CXCL13: variants seen among roughly 807,000 people sequenced by gnomAD.
CXCL13 encodes C-X-C motif chemokine 13.
CXCL13 carries 7 observed loss-of-function variants against 12.2 expected under a neutral mutation model. The observed-to-expected ratio is 0.57, with a 90% CI of 0.33 to 1.07. The LOEUF (loss-of-function observed/expected upper bound fraction) is 1.07, where lower values mean the gene tolerates loss of function less well. CXCL13 is among the 50% of genes least tolerant of loss of function. The pLI is 0.04. For missense variants in CXCL13, 113 were observed against 127.4 expected (o/e 0.89, Z 0.55); for synonymous variants, 47 against 42.4 (o/e 1.11, Z -0.42).
chr4:77,560,925 A>G (rs1324171134), intron 1 of CXCL13, among the ~76,000 whole-genome samples: 1 of 152,160 alleles, frequency 6.6e-6, no homozygotes, highest in Non-Finnish European at 1.5e-5. Flanking sequence ...TGAAATCCTT[A>G]TCTATCCTAT....
At chr4:77,523,473 C>T (rs1029289337) in intron 1 of CXCL13, among the ~76,000 whole-genome samples, 1 of 152,154 alleles carries the variant, frequency 6.6e-6, no homozygotes, top group African/African-American at 2.4e-5. Flanking sequence ...TCTTCAGTGA[C>T]TGATACTCTT....
rs1344158150 is a variant in CXCL13 at position 77,611,532 on chromosome 4, A to G, written c.*493A>G. 2 of 396,176 alleles carry G rather than the reference A, an allele frequency of 5.0e-6. No individual in the cohort carries two copies. The highest frequency in any genetic ancestry group is 2.1e-5 in the African/African-American group (1 of 48,604). The allele number at this position is 396,176 out of a possible 1,614,324, so 24.5% of individuals were successfully genotyped here. Reference sequence around the variant, plus strand: ...TCCATGTAGTAGATATCCTCTGCTTAAAAACTCACTACGGAGGAGAATTAA... The same window carrying G: ...TCCATGTAGTAGATATCCTCTGCTTGAAAACTCACTACGGAGGAGAATTAA... On this transcript the variant is annotated 3_prime_UTR_variant, in exon 4 of 4. Coordinates refer to ENST00000682537, the MANE Select transcript of CXCL13 (RefSeq NM_001371558.1).
At chr4:77,596,222 C>G (rs1726745413) in intron 1 of CXCL13, among the ~76,000 whole-genome samples, 1 of 152,148 alleles carries the variant, frequency 6.6e-6, no homozygotes, top group South Asian at 2.1e-4. Flanking sequence ...AGATGATTTT[C>G]TAAGTAACCA....
chr4:77,532,397 A>G (rs1400023237), intron 1 of CXCL13, among the ~76,000 whole-genome samples: 7 of 152,258 alleles, frequency 4.6e-5, no homozygotes, highest in East Asian at 1.9e-4. Context: ...GGCTTATAGA[A>G]TTTCTGCCGA....
intron 1 of CXCL13, among the ~76,000 whole-genome samples, chr4:77,591,386 T>TA (rs1281334867): frequency 1.3e-5 from 2 of 151,150 alleles, no homozygotes; most frequent in Non-Finnish European, 2.9e-5. Context: ...CCGTTTCTAC[T>TA]AAAAAATACA....
chr4:77,565,967 C>T (rs961856632), intron 1 of CXCL13, among the ~76,000 whole-genome samples: 2 of 152,192 alleles, frequency 1.3e-5, no homozygotes, highest in African/African-American at 4.8e-5. Context: ...GAAAAGTCAC[C>T]TTTGAGGATA....
chr4:77,566,619 C>T (rs1196877006), intron 1 of CXCL13, among the ~76,000 whole-genome samples: 4 of 151,918 alleles, frequency 2.6e-5, no homozygotes, highest in Non-Finnish European at 5.9e-5. Flanking sequence ...CTTGAAATTT[C>T]CTTTTCAATT....
At chr4:77,558,430 G>T (rs1475205154) in intron 1 of CXCL13, among the ~76,000 whole-genome samples, 1 of 152,114 alleles carries the variant, frequency 6.6e-6, no homozygotes. Flanking sequence ...TCAGCTCACT[G>T]CAACCTCTGC....
intron 1 of CXCL13, among the ~76,000 whole-genome samples, chr4:77,565,640 A>C (rs1318206403): frequency 6.6e-6 from 1 of 152,192 alleles, no homozygotes; most frequent in Non-Finnish European, 1.5e-5. Flanking sequence ...TGCAGCAACC[A>C]ACAATTATTT....
At chr4:77,527,007 GAACTTTGGTA>G (rs1032693565) in intron 1 of CXCL13, among the ~76,000 whole-genome samples, 1 of 152,152 alleles carries the variant, frequency 6.6e-6, no homozygotes, top group African/African-American at 2.4e-5. Context: ...TCAGGGACTA[GAACTTTGGTA>G]AACAAGACCT....
At chr4:77,585,620 G>A (rs569533190) in intron 1 of CXCL13, among the ~76,000 whole-genome samples, 4 of 152,296 alleles carry the variant, frequency 2.6e-5, no homozygotes, top group Admixed American at 6.5e-5. Context: ...TCAGAGAGAC[G>A]CTGTGTCACC....
Position 77,585,107 on chromosome 4 carries a change from C to T in CXCL13, c.-42-20717C>T, listed in dbSNP as rs79273669. 6.2e-3 allele frequency among the ~76,000 whole-genome samples: 941 copies of T among 152,258 alleles called. 13 individuals carry two copies. Among genetic ancestry groups the T allele is most frequent in the African/African-American group, 0.022 (899 of 41,550 alleles). On this transcript the variant is annotated intron_variant, in intron 1 of 4. Coordinates refer to the CXCL13 transcript ENST00000286758. ...CTCCAAATCACACACGTCTGGCCAC[C>T]ATCTTACAGCATGACTGCATCCTGG... is the stretch of plus-strand genomic sequence containing the variant.
At chr4:77,553,044 C>T (rs1387410101) in intron 1 of CXCL13, among the ~76,000 whole-genome samples, 1 of 152,124 alleles carries the variant, frequency 6.6e-6, no homozygotes. Context: ...TGAATTTTGG[C>T]TTGGGGGTGG....
Position 77,530,307 on chromosome 4 carries a change from G to T in CXCL13, c.-43+18519G>T, listed in dbSNP as rs187664041. On this transcript the variant is annotated intron_variant, in intron 1 of 4. Coordinates refer to the CXCL13 transcript ENST00000286758. ...TGGCTTCATAAAATGAGTTAAGGAG[G>T]ATTCCCTCTTTTTCTATTGATTGGA... 2.5e-3 allele frequency among the ~76,000 whole-genome samples: 387 copies of T among 152,304 alleles called. 1 individual carries two copies. The highest frequency in any genetic ancestry group is 0.02 in the Middle Eastern group (6 of 294).
chr4:77,542,199 A>G (rs1367376243), intron 1 of CXCL13, among the ~76,000 whole-genome samples: 2 of 151,850 alleles, frequency 1.3e-5, no homozygotes, highest in Non-Finnish European at 2.9e-5. Flanking sequence ...GATGGCTTAC[A>G]TTTTTTCTCT....
At chr4:77,550,227 G>C (rs1201406545) in intron 1 of CXCL13, among the ~76,000 whole-genome samples, 12 of 152,158 alleles carry the variant, frequency 7.9e-5, no homozygotes. Context: ...GAGTGTCCTG[G>C]TTTTCCAGGT....
chr4:77,542,319 T>C (rs1414626315), intron 1 of CXCL13, among the ~76,000 whole-genome samples: 1 of 152,152 alleles, frequency 6.6e-6, no homozygotes, highest in Non-Finnish European at 1.5e-5. Flanking sequence ...AGTTTTTGCT[T>C]TTTCAGTATA....
intron 1 of CXCL13, among the ~76,000 whole-genome samples, chr4:77,532,157 T>C (rs1724943743): frequency 6.6e-6 from 1 of 152,222 alleles, no homozygotes; most frequent in South Asian, 2.1e-4. Context: ...GTCTTTACAA[T>C]TTGGCATGTT....
intron 2 of CXCL13, among the ~76,000 whole-genome samples, chr4:77,609,838 T>G (rs1232869475): frequency 6.6e-6 from 1 of 152,234 alleles, no homozygotes; most frequent in Non-Finnish European, 1.5e-5. Flanking sequence ...AATCTTCATT[T>G]GAATCCTTCT....
Sources: gnomAD v4.1 joint callset for allele counts (sites outside exome capture counted in the v4.1 genomes callset) on GRCh38, gnomAD v4.1.1 for gene constraint, MANE v1.5 for transcripts, NCBI Gene and HGNC (gene_info 2026-07-23, HGNC 2026-07-21) for gene names.